S100A8: variants seen among roughly 807,000 people sequenced by gnomAD.
The protein encoded by S100A8 is S100 calcium binding protein A8.
In S100A8, 1 loss-of-function variant was observed where a neutral mutation model predicts 4.2. The ratio of observed to expected loss-of-function variants is 0.24; its 90% confidence interval spans 0.08 to 1.12. The LOEUF (loss-of-function observed/expected upper bound fraction) is 1.12. Ranked by LOEUF, S100A8 falls within the 50% of genes most tolerant of loss-of-function variation. The probability of loss-of-function intolerance (pLI) is 0.53; values close to 1 mark genes in which losing one functional copy is unlikely to be tolerated. For missense variants in S100A8, 96 were observed against 111.8 expected (o/e 0.86, Z 0.64); for synonymous variants, 41 against 44.7 (o/e 0.92, Z 0.33).
At chr1:153,404,975 CCA>C in the S100A8 span, among the ~76,000 whole-genome samples, 3 of 151,934 alleles carry the variant, frequency 2.0e-5, no homozygotes, top group African/African-American at 7.3e-5. Context: ...GCACTCAGGG[CCA>C]GAGTTTTGTC....
Position 153,390,545 on chromosome 1 carries a change from G to T in S100A8, c.-10C>A. 1 of 1,614,020 alleles carries T rather than the reference G, an allele frequency of 6.2e-7. No individual in the cohort carries two copies. Among genetic ancestry groups the T allele is most frequent in the South Asian group, 1.1e-5 (1 of 91,080 alleles). ...CCAGCTCGGTCAACATGATGCCCAC[G>T]GACTTGCCCCACCTGAAAAACAGAA... On this transcript the variant is annotated 5_prime_UTR_variant, in exon 2 of 3. Coordinates refer to ENST00000368733, the MANE Select transcript of S100A8 (RefSeq NM_002964.5).
At position 153,391,073 on chromosome 1, in the gene S100A8, T is replaced by C. The variant is rs1662085346; in HGVS notation, c.-55A>G. On this transcript the variant is annotated 5_prime_UTR_variant, in exon 1 of 3. It removes an upstream start codon present in the reference 5' UTR. Transcript: ENST00000368733. ...TCTGAAAGACAGCTGACAAGAGACA[T>C]GCAGGGCTGAGAGGCAGCTCCTTTT... is the stretch of plus-strand genomic sequence containing the variant. The C allele has an allele frequency of 2.0e-6, 2 of 986,372 alleles. No individual in the cohort carries two copies. Among genetic ancestry groups the C allele is most frequent in the Non-Finnish European group, 2.4e-6 (2 of 830,372 alleles). 61.1% of individuals were successfully genotyped at this position (986,372 alleles called of 1,614,324 possible). A position where few individuals can be genotyped will look rare whatever the true frequency, so the allele number is the denominator to read the frequency against.
At chr1:153,394,422 G>A (rs1424055470), upstream of S100A8, among the ~76,000 whole-genome samples, 1 of 152,160 alleles carries the variant, frequency 6.6e-6, no homozygotes, top group African/African-American at 2.4e-5. Context: ...TCTAGACACA[G>A]CCAGGGGCCT....
chr1:153,407,433 A>G, the S100A8 span, among the ~76,000 whole-genome samples: 4 of 152,154 alleles, frequency 2.6e-5, no homozygotes, highest in African/African-American at 9.7e-5. Flanking sequence ...GGTGCCCGCC[A>G]TTTCTGAGGC....
chr1:153,413,364 A>G, the S100A8 span, among the ~76,000 whole-genome samples: 2 of 152,196 alleles, frequency 1.3e-5, no homozygotes, highest in Non-Finnish European at 2.9e-5. Context: ...TCTGGAGATT[A>G]GTGTTTACTA....
chr1:153,392,180 A>G (rs1228063870), upstream of S100A8, among the ~76,000 whole-genome samples: 1 of 152,266 alleles, frequency 6.6e-6, no homozygotes, highest in African/African-American at 2.4e-5. Context: ...AAAATTGGGG[A>G]AAAGACTCAA....
chr1:153,392,055 G>A (rs1235214716), upstream of S100A8, among the ~76,000 whole-genome samples: 6 of 152,192 alleles, frequency 3.9e-5, no homozygotes. Flanking sequence ...AGACTGTGGT[G>A]TGTTTCTGTT....
At chr1:153,397,439 G>A in the S100A8 span, among the ~76,000 whole-genome samples, 31 of 152,310 alleles carry the variant, frequency 2.0e-4, no homozygotes, top group African/African-American at 6.7e-4. Flanking sequence ...AGGTTGTTCC[G>A]AGGCAGGCGG....
the S100A8 span, among the ~76,000 whole-genome samples, chr1:153,405,226 G>A: frequency 1.3e-5 from 2 of 151,714 alleles, no homozygotes; most frequent in African/African-American, 4.8e-5. Context: ...GTACGCTTGG[G>A]TCACTTCCTA....
At chr1:153,410,234 A>T in the S100A8 span, among the ~76,000 whole-genome samples, 1 of 152,216 alleles carries the variant, frequency 6.6e-6, no homozygotes, top group African/African-American at 2.4e-5. Flanking sequence ...GACCACTAGC[A>T]AGACTAATAA....
chr1:153,398,803 AG>A, the S100A8 span, among the ~76,000 whole-genome samples: 2 of 152,212 alleles, frequency 1.3e-5, no homozygotes, highest in African/African-American at 4.8e-5. Context: ...CAGTTTCCTA[AG>A]GGGGAAATGA....
At chr1:153,403,631 A>T in the S100A8 span, among the ~76,000 whole-genome samples, 207 of 151,346 alleles carry the variant, frequency 1.4e-3, no homozygotes, top group African/African-American at 4.7e-3. Flanking sequence ...CAGCTGTTTT[A>T]TGATCTGCTT....
chr1:153,420,933 A>C, the S100A8 span: 1 of 152,346 alleles, frequency 6.6e-6, no homozygotes, highest in East Asian at 1.9e-4. Flanking sequence ...TCTCCAGCCC[A>C]GAACCATCTT....
the S100A8 span, among the ~76,000 whole-genome samples, chr1:153,399,219 A>G: frequency 1.3e-5 from 2 of 152,124 alleles, no homozygotes; most frequent in African/African-American, 4.8e-5. Context: ...CCCATCCTCA[A>G]TGCCTCCAAT....
chr1:153,419,143 A>C, the S100A8 span: 1 of 1,612,338 alleles, frequency 6.2e-7, no homozygotes, highest in South Asian at 1.1e-5. Context: ...TTCTCTTCAC[A>C]GGACAAAAAG....
At chr1:153,392,954 G>A (rs951604400), upstream of S100A8, among the ~76,000 whole-genome samples, 2 of 152,170 alleles carry the variant, frequency 1.3e-5, no homozygotes, top group African/African-American at 2.4e-5. Flanking sequence ...CTTTTCCCAT[G>A]TCCGGGAACT....
chr1:153,416,039 T>C, the S100A8 span, among the ~76,000 whole-genome samples: 1 of 152,132 alleles, frequency 6.6e-6, no homozygotes, highest in Admixed American at 6.5e-5. Context: ...TTCTTAAGAC[T>C]ATGAGGGGAG....
In S100A8 at chr1:153,391,035, A is replaced by G. The variant is rs1191411707; in HGVS notation, c.-23+6T>C. 1.0e-5 allele frequency: 10 copies of G among 986,952 alleles called. No homozygotes were observed. Among genetic ancestry groups the G allele is most frequent in the Non-Finnish European group, 1.2e-5 (10 of 830,850 alleles). 61.1% of individuals were successfully genotyped at this position (986,952 alleles called of 1,614,324 possible). A position where few individuals can be genotyped will look rare whatever the true frequency, so the allele number is the denominator to read the frequency against. ...GTGCGGGGCCAACCCAGACAGTCCCACTTACCAGGTCTTCTGAAAGACAGC... is the reference window on the plus strand; with the variant it reads ...GTGCGGGGCCAACCCAGACAGTCCCGCTTACCAGGTCTTCTGAAAGACAGC... On this transcript the variant is annotated splice_donor_region_variant and intron_variant, in intron 1 of 2. Transcript: ENST00000368733.
At chr1:153,395,587 T>A (rs1038713387), upstream of S100A8, among the ~76,000 whole-genome samples, 2 of 152,134 alleles carry the variant, frequency 1.3e-5, no homozygotes, top group Non-Finnish European at 2.9e-5. Flanking sequence ...TCTGTCTTCC[T>A]CCACCCCAAA....
Sources: allele counts gnomAD v4.1 joint callset (sites outside exome capture counted in the v4.1 genomes callset), GRCh38; gene constraint gnomAD v4.1.1; transcripts MANE v1.5; gene names NCBI Gene and HGNC (gene_info 2026-07-23, HGNC 2026-07-21).